Variants in YTHDF1 observed in about 807,000 individuals in gnomAD.
YTHDF1 encodes the protein YTH N6-methyladenosine RNA binding protein F1.
YTHDF1 carries 16 observed loss-of-function variants against 49.1 expected under a neutral mutation model. The ratio of observed to expected loss-of-function variants is 0.33; its 90% CI spans 0.22 to 0.49. The LOEUF (loss-of-function observed/expected upper bound fraction) is 0.49, where lower values mean the gene tolerates loss of function less well. Among genes scored for constraint, YTHDF1 ranks in the 20% least tolerant of loss-of-function variants. The pLI is 0.99. For synonymous variants in YTHDF1, 313 were observed against 290.1 expected, an observed-to-expected ratio of 1.08 and a Z score of -0.80; for missense variants, 621 against 744.3, an observed-to-expected ratio of 0.83 and a Z score of 1.93.
intron 3 of YTHDF1, among the ~76,000 whole-genome samples, chr20:63,205,557 G>A (rs985938193): frequency 4.0e-5 from 6 of 151,284 alleles, no homozygotes. Flanking sequence ...CGCCCAGGCT[G>A]CAGTGCAGTG....
rs2066494631 is a variant in YTHDF1, at chr20:63,196,799, G to A, written c.1654-65C>T. 2.5e-6 allele frequency: 4 copies of A among 1,601,860 alleles called. No homozygotes were observed. In the South Asian group the frequency reaches 3.3e-5, roughly 13 times the overall value. On this transcript the variant is annotated intron_variant, in intron 4 of 4. Coordinates refer to ENST00000370339, the MANE Select transcript of YTHDF1 (RefSeq NM_017798.4). ...ACACCAATGAATCCCTCCCAAAAGT[G>A]AGATCCGAGGCTGCCCCTTAGCAGC...
intron 4 of YTHDF1, 82 bp from the exon 5 acceptor site, chr20:63,196,816 C>G (rs1199920899): frequency 1.2e-5 from 19 of 1,548,952 alleles, no homozygotes; most frequent in Non-Finnish European, 1.7e-5. Context: ...GAGGCTGCCC[C>G]TTAGCAGCAC....
At chr20:63,214,672 G>C (rs1436023186) in intron 2 of YTHDF1, among the ~76,000 whole-genome samples, 2 of 152,146 alleles carry the variant, frequency 1.3e-5, no homozygotes, top group Admixed American at 6.5e-5. Context: ...GCATTCTTTC[G>C]AGTTTCTGAT....
intron 3 of YTHDF1, among the ~76,000 whole-genome samples, chr20:63,209,141 T>TA (rs2066561930): frequency 6.6e-6 from 1 of 152,230 alleles, no homozygotes; most frequent in South Asian, 2.1e-4. Context: ...ACAGAGCACT[T>TA]ACGGTGAATG....
intron 3 of YTHDF1, among the ~76,000 whole-genome samples, chr20:63,210,712 A>G (rs1055652313): frequency 3.9e-5 from 6 of 152,184 alleles, no homozygotes; most frequent in Non-Finnish European, 2.9e-5. Flanking sequence ...CACTTGAGCC[A>G]GGGAGGTGGA....
chr20:63,204,655 G>A (rs2066537030), intron 3 of YTHDF1, among the ~76,000 whole-genome samples: 1 of 152,220 alleles, frequency 6.6e-6, no homozygotes, highest in South Asian at 2.1e-4. Flanking sequence ...TGTCTGTGTA[G>A]TGACTGGAAC....
At chr20:63,204,063 G>A (rs1290440767) in intron 3 of YTHDF1, among the ~76,000 whole-genome samples, 2 of 152,288 alleles carry the variant, frequency 1.3e-5, no homozygotes, top group South Asian at 2.1e-4. Flanking sequence ...GCTAAATGAC[G>A]AAGCTATGCC....
At chr20:63,199,982 A>C (rs1291368684) in intron 4 of YTHDF1, among the ~76,000 whole-genome samples, 1 of 152,158 alleles carries the variant, frequency 6.6e-6, no homozygotes, top group Non-Finnish European at 1.5e-5. Flanking sequence ...TGAGCCCAGG[A>C]GGTCAAGGCT....
At chr20:63,214,533 G>A (rs2066591856) in intron 2 of YTHDF1, among the ~76,000 whole-genome samples, 1 of 152,148 alleles carries the variant, frequency 6.6e-6, no homozygotes, top group South Asian at 2.1e-4. Context: ...GGACAGCTTA[G>A]TTTTATACAT....
rs372457749 is a variant in YTHDF1, at chr20:63,203,504, C to T, written c.436G>A (p.Ala146Thr). The T allele has an allele frequency of 1.7e-5, 28 of 1,613,630 alleles. No homozygotes were observed. In the African/African-American group the frequency reaches 1.7e-4, roughly 10 times the overall value. The change falls in exon 4 of 5, where the codon GCG becomes ACG. Residue 146 changes from alanine to threonine, a missense_variant. Coordinates refer to ENST00000370339, the MANE Select transcript of YTHDF1 (RefSeq NM_017798.4). This position sits in a 1 kb window ranked among gnomAD's most constrained non-coding sequence, Gnocchi z 4.4. ...GSQGQQTQSS[A>T]YGSSYTYPPS... is the part of the protein sequence containing the mutation. The stretch of plus-strand genomic sequence containing the variant: ...GGGTAGGTGTAGCTGCTCCCATACG[C>T]GGAGCTCTGGGTCTGCTGACCTTGA...
At chr20:63,209,230 A>G (rs73919078) in intron 3 of YTHDF1, among the ~76,000 whole-genome samples, 1,568 of 152,358 alleles carry the variant, frequency 0.01, 24 homozygotes, top group African/African-American at 0.035. Flanking sequence ...CACCACTGTC[A>G]CCTTTAGAAA....
chr20:63,196,847 C>G, intron 4 of YTHDF1, 113 bp from the exon 5 acceptor site: 1 of 1,248,246 alleles, frequency 8.0e-7, no homozygotes, highest in Non-Finnish European at 1.1e-6. Context: ...GGAGGCGGGA[C>G]CCTGAATGGT....
intron 4 of YTHDF1, among the ~76,000 whole-genome samples, chr20:63,200,456 T>C (rs541715219): frequency 3.3e-5 from 5 of 152,282 alleles, no homozygotes; most frequent in African/African-American, 1.2e-4. Context: ...CTGACCCATA[T>C]GGGCCCAGAG....
At chr20:63,214,006 G>A in intron 2 of YTHDF1, 63 bp from the exon 3 acceptor site, 2 of 1,538,828 alleles carry the variant, frequency 1.3e-6, no homozygotes, top group East Asian at 2.4e-5. Context: ...AAGCTTGGAA[G>A]GCAAAGTTAG....
Position 63,203,393 on chromosome 20 carries a change from G to C in YTHDF1, c.547C>G (p.Leu183Val), listed in dbSNP as rs2066528881. 3.1e-6 allele frequency: 5 copies of C among 1,613,226 alleles called. No homozygotes were observed. The highest frequency in any genetic ancestry group is 4.2e-6 in the Non-Finnish European group (5 of 1,179,846). ...TLSKAPGMNS[L>V]EQGMVGLKIG... ...TTCAGGCCAACCATGCCCTGCTCCA[G>C]GCTGTTCATCCCGGGGGCCTTGCTG... The change falls in exon 4 of 5, where the codon CTG becomes GTG. Residue 183 changes from leucine to valine, a missense_variant. By Grantham distance (32) the Leu-to-Val change is conservative. This residue lies in a region of YTHDF1 where 470 missense variants were observed against 495.8 expected (regional missense o/e 0.95). Transcript: ENST00000370339. The surrounding 1 kb of genome is among the most constrained non-coding windows in gnomAD (Gnocchi z 4.4).
At position 63,203,123 on chromosome 20, in the gene YTHDF1, T is replaced by C; in HGVS notation, c.817A>G (p.Thr273Ala). The C allele has an allele frequency of 1.9e-6, 3 of 1,612,634 alleles. No homozygotes were observed. The highest frequency in any genetic ancestry group is 2.5e-6 in the Non-Finnish European group (3 of 1,179,200). Residue 273 changes from threonine to alanine, a missense_variant, in exon 4 of 5, where the codon ACC (threonine) becomes GCC (alanine). Coordinates refer to ENST00000370339, the MANE Select transcript of YTHDF1 (RefSeq NM_017798.4). The surrounding 1 kb of genome is among the most constrained non-coding windows in gnomAD (Gnocchi z 4.4). ...PPIKHNMDIG[T>A]WDNKGPVPKA... ...GGCACAGGCCCCTTGTTATCCCAGG[T>C]GCCAATGTCCATGTTATGCTTTATG...
At chr20:63,202,135 C>G (rs2066520119) in intron 4 of YTHDF1, 152 bp downstream of exon 4, 2 of 997,490 alleles carry the variant, frequency 2.0e-6, no homozygotes, top group Admixed American at 2.4e-5. Flanking sequence ...CTGCCAGGAC[C>G]TGGGCCCGCC....
chr20:63,203,907 C>A lies in YTHDF1; in HGVS notation c.133-100G>T. ...AAGCACAGGTGGAGCAAAAACAAAA[C>A]CTGCACAGCATGGGGCTACTCCTTC... On this transcript the variant is annotated intron_variant, in intron 3 of 4. Transcript: ENST00000370339. This position sits in a 1 kb window ranked among gnomAD's most constrained non-coding sequence, Gnocchi z 4.4. 5 of 1,133,382 alleles carry A rather than the reference C, an allele frequency of 4.4e-6. No individual in the cohort carries two copies. The South Asian group carries it at 6.5e-5, about 15-fold the overall frequency. 70.2% of individuals were successfully genotyped at this position (1,133,382 alleles called of 1,614,324 possible). A position where few individuals can be genotyped will look rare whatever the true frequency, so the allele number is the denominator to read the frequency against.
chr20:63,207,391 C>G (rs1183022106), intron 3 of YTHDF1, among the ~76,000 whole-genome samples: 1 of 151,974 alleles, frequency 6.6e-6, no homozygotes, highest in Admixed American at 6.6e-5. Flanking sequence ...ATGGCGTGAA[C>G]CCGGGAGGCG....
Sources: allele counts gnomAD v4.1 joint callset (sites outside exome capture counted in the v4.1 genomes callset), GRCh38; gene constraint gnomAD v4.1.1; regional missense constraint gnomAD v4.1.1; non-coding constraint Gnocchi (gnomAD v3.1); transcripts MANE v1.5; gene names NCBI Gene and HGNC (gene_info 2026-07-23, HGNC 2026-07-21).